RINT1: variants seen among roughly 807,000 people sequenced by gnomAD.
RINT1 encodes the protein RAD50-interacting protein 1.
In RINT1, 75 loss-of-function variants were observed where a neutral mutation model predicts 97.7. That is an observed-to-expected ratio of 0.77 (90% CI 0.64 to 0.93). RINT1 has a LOEUF of 0.93. RINT1 is among the 40% of genes least tolerant of loss of function. The pLI is 0.00. For missense variants in RINT1, 892 were observed against 925.2 expected (o/e 0.96, Z 0.47); for synonymous variants, 303 against 326.3 (o/e 0.93, Z 0.77).
Position 105,551,641 on chromosome 7 carries a change from G to C in RINT1, c.1405G>C (p.Asp469His), listed in dbSNP as rs1295690900. The C allele has an allele frequency of 1.3e-5, 21 of 1,612,450 alleles. No individual in the cohort carries two copies. The highest frequency in any genetic ancestry group is 1.8e-5 in the Non-Finnish European group (21 of 1,179,094). The change falls in exon 10 of 15, where the codon GAC (aspartate) becomes CAC (histidine). Residue 469 changes from aspartate (D) to histidine (H), a missense_variant. By Grantham distance (81) the Asp-to-His change is moderately conservative (BLOSUM62 -1). Coordinates refer to ENST00000257700, the MANE Select transcript of RINT1 (RefSeq NM_021930.6). The part of the protein sequence containing the change: ...AWVSQYKDIT[D>H]VDEMKVPDCA... ...GGTATCGCAATATAAGGATATCACT[G>C]ACGTGGATGAAATGAAAGTTCCAGA...
In RINT1 at chr7:105,563,863, G is replaced by A. The variant is rs747456943; in HGVS notation, c.1802G>A (p.Arg601His). ...VFDDMINLLE[R>H]LKHDMLTRQV... ...GATGACATGATTAACCTCTTAGAACGTTTAAAGCATGATATGTTGACCCGT... is the reference window on the plus strand; with the variant it reads ...GATGACATGATTAACCTCTTAGAACATTTAAAGCATGATATGTTGACCCGT... Residue 601 changes from arginine to histidine, a missense_variant, in exon 12 of 15, where the codon CGT (arginine) becomes CAT (histidine). Arg to His is a conservative substitution (Grantham distance 29, BLOSUM62 0). Coordinates refer to ENST00000257700, the MANE Select transcript of RINT1 (RefSeq NM_021930.6). 9 of 1,613,980 alleles carry A rather than the reference G, an allele frequency of 5.6e-6. No individual in the cohort carries two copies. The highest frequency in any genetic ancestry group is 1.6e-4 in the Middle Eastern group (1 of 6,084).
chr7:105,551,412 T>C (rs1218047182), intron 9 of RINT1, among the ~76,000 whole-genome samples, 158 bp from the exon 10 acceptor site: 1 of 152,228 alleles, frequency 6.6e-6, no homozygotes, highest in Non-Finnish European at 1.5e-5. Context: ...AGTATCCTGT[T>C]TAAAGCATTA....
intron 4 of RINT1, among the ~76,000 whole-genome samples, chr7:105,544,759 A>AATATCTTCAGAG (rs1417000230): frequency 2.0e-5 from 3 of 152,178 alleles, no homozygotes; most frequent in Admixed American, 1.3e-4. Flanking sequence ...AGATATCTGA[A>AATATCTTCAGAG]TTGTTTATAA....
intron 3 of RINT1, among the ~76,000 whole-genome samples, chr7:105,540,391 A>T (rs1027518541): frequency 5.3e-5 from 8 of 152,050 alleles, no homozygotes; most frequent in Non-Finnish European, 8.8e-5. Flanking sequence ...CCTCTTGAGT[A>T]GCTGGGATTA....
At chr7:105,541,809 C>G (rs939384277) in intron 3 of RINT1, 1 of 152,176 alleles carries the variant, frequency 6.6e-6, no homozygotes, top group African/African-American at 2.4e-5. Flanking sequence ...TAGCTGGATC[C>G]TCTGCTGAGC....
intron 7 of RINT1, among the ~76,000 whole-genome samples, chr7:105,549,405 A>G (rs1361955884): frequency 2.7e-5 from 4 of 149,866 alleles, no homozygotes; most frequent in Non-Finnish European, 3.0e-5. Context: ...CTGGAGCGCA[A>G]TGGTGTGATC....
intron 6 of RINT1, among the ~76,000 whole-genome samples, chr7:105,547,765 G>C (rs1790735718): frequency 6.9e-6 from 1 of 144,192 alleles, no homozygotes; most frequent in Non-Finnish European, 1.5e-5. Context: ...TGTTGCCCAG[G>C]CTGGAATGAA....
chr7:105,532,387 G>T, intron 1 of RINT1, 30 bp downstream of exon 1: 1 of 1,592,658 alleles, frequency 6.3e-7, no homozygotes, highest in South Asian at 1.1e-5. Flanking sequence ...CCTGGGAGGG[G>T]ACATTGGTGG....
At chr7:105,542,717 G>T (rs1285073551) in intron 4 of RINT1, 68 bp downstream of exon 4, 1 of 1,474,624 alleles carries the variant, frequency 6.8e-7, no homozygotes, top group East Asian at 2.4e-5. Flanking sequence ...GAGAGTACAT[G>T]TGTGCCATTA....
At chr7:105,562,817 C>T (rs948551775) in intron 11 of RINT1, among the ~76,000 whole-genome samples, 9 of 152,090 alleles carry the variant, frequency 5.9e-5, no homozygotes, top group Non-Finnish European at 1.0e-4. Flanking sequence ...GCAGGAGAAT[C>T]GCTTGAACCC....
At chr7:105,532,696 G>C in intron 1 of RINT1, 128 bp from the exon 2 acceptor site, 1 of 1,006,062 alleles carries the variant, frequency 9.9e-7, no homozygotes, top group Non-Finnish European at 1.6e-6. Context: ...GGACGGCCCT[G>C]GTCGCTCAGA....
At chr7:105,550,530 C>T (rs766886690) in intron 9 of RINT1, 44 bp downstream of exon 9, 25 of 1,361,356 alleles carry the variant, frequency 1.8e-5, no homozygotes, top group Non-Finnish European at 2.6e-5. Flanking sequence ...ATGTCTGTTT[C>T]TGTGGGTATA....
intron 7 of RINT1, among the ~76,000 whole-genome samples, chr7:105,549,622 T>C (rs188863531): frequency 4.6e-5 from 7 of 152,190 alleles, no homozygotes; most frequent in African/African-American, 1.7e-4. Flanking sequence ...GTGCTGGGAT[T>C]ACAGGCATGA....
intron 14 of RINT1, among the ~76,000 whole-genome samples, chr7:105,566,008 G>T (rs1301083831): frequency 6.6e-6 from 1 of 152,108 alleles, no homozygotes; most frequent in South Asian, 2.1e-4. Flanking sequence ...GGTGGCTCAC[G>T]CCTGTAATCC....
intron 2 of RINT1, among the ~76,000 whole-genome samples, chr7:105,535,032 AT>A (rs1790170055): frequency 2.6e-5 from 4 of 152,134 alleles, no homozygotes; most frequent in South Asian, 4.1e-4. Context: ...AATAAGCCTA[AT>A]GTGTATTGGA....
rs35961194 is a variant in RINT1, at chr7:105,551,610, T to C, written c.1374T>C (p.Ala458=). ...QKMDSMLSSE[A]AWVSQYKDIT... ...TGGACTCAATGCTTTCCTCAGAAGC[T>C]GCCTGGGTATCGCAATATAAGGATA... The change falls in exon 10 of 15, where the codon GCT becomes GCC. Residue 458 remains alanine, a synonymous_variant. Transcript: ENST00000257700. 26,786 of 1,609,958 alleles carry C rather than the reference T, an allele frequency of 0.017. 436 individuals carry two copies. The highest frequency in any genetic ancestry group is 0.084 in the Admixed American group (4,989 of 59,352).
At chr7:105,550,538 A>G in intron 9 of RINT1, 52 bp downstream of exon 9, 1 of 1,326,838 alleles carries the variant, frequency 7.5e-7, no homozygotes, top group Non-Finnish European at 1.1e-6. Context: ...TTCTGTGGGT[A>G]TACATTTTTG....
intron 11 of RINT1, 156 bp downstream of exon 11, chr7:105,555,383 C>A: frequency 1.8e-6 from 1 of 564,724 alleles, no homozygotes; most frequent in African/African-American, 1.9e-5. Context: ...ACACATTTTT[C>A]TCAATCAAAT....
Position 105,548,691 on chromosome 7 carries a change from A to G in RINT1, c.977A>G (p.Gln326Arg). ...AGGTATCACTTCAGAGGGAACCGGC[A>G]GACTAATGTGTTAAGCAAGGTGTGT... is the stretch of plus-strand genomic sequence containing the variant. ...RFRYHFRGNR[Q>R]TNVLSKPEWY... The change falls in exon 7 of 15, where the codon CAG (glutamine) becomes CGG (arginine). Residue 326 changes from glutamine (Q) to arginine (R), a missense_variant. Transcript: ENST00000257700. The G allele has an allele frequency of 6.2e-7, 1 of 1,613,018 alleles. No homozygotes were observed.
Sources: gnomAD v4.1 joint callset for allele counts (sites outside exome capture counted in the v4.1 genomes callset) on GRCh38, gnomAD v4.1.1 for gene constraint, MANE v1.5 for transcripts, NCBI Gene and HGNC (gene_info 2026-07-23, HGNC 2026-07-21) for gene names.